FNIP2: variants seen among roughly 807,000 people sequenced by gnomAD.
FNIP2 encodes folliculin interacting protein 2.
Under a neutral mutation model 108.7 loss-of-function variants are expected in FNIP2, and 32 were observed. The observed-to-expected ratio is 0.29, with a 90% CI of 0.22 to 0.40. The LOEUF is 0.40. FNIP2 is among the 10% of genes least tolerant of loss of function. FNIP2 has a pLI of 1.00. For synonymous variants in FNIP2, 480 were observed against 496.7 expected, an observed-to-expected ratio of 0.97 and a Z score of 0.45; for missense variants, 1,202 against 1,381.6, an observed-to-expected ratio of 0.87 and a Z score of 2.06.
chr4:158,895,297 GA>G (rs1458490887), intron 15 of FNIP2, among the ~76,000 whole-genome samples: 2 of 151,766 alleles, frequency 1.3e-5, no homozygotes, highest in African/African-American at 2.4e-5. Context: ...GCTATTGGGG[GA>G]AAAAAACAAA....
chr4:158,830,304 G>T (rs375375837), intron 3 of FNIP2, among the ~76,000 whole-genome samples: 2 of 143,514 alleles, frequency 1.4e-5, no homozygotes, highest in African/African-American at 5.4e-5. Flanking sequence ...CGCCCAGGCC[G>T]GACTGCGGAC....
intron 13 of FNIP2, among the ~76,000 whole-genome samples, chr4:158,869,911 T>A (rs1472201039): frequency 6.6e-6 from 1 of 152,258 alleles, no homozygotes; most frequent in African/African-American, 2.4e-5. Flanking sequence ...TGGTCTGTAA[T>A]GACTGAAAGC....
chr4:158,778,433 T>G (rs1028481648), intron 1 of FNIP2, among the ~76,000 whole-genome samples: 4 of 152,226 alleles, frequency 2.6e-5, no homozygotes, highest in African/African-American at 9.6e-5. Flanking sequence ...TTCCTAAGTT[T>G]TGAATTGCAC....
intron 1 of FNIP2, among the ~76,000 whole-genome samples, chr4:158,786,668 T>TA (rs59880875): frequency 4.7e-4 from 71 of 152,136 alleles, no homozygotes; most frequent in Non-Finnish European, 7.4e-4. Flanking sequence ...TTTTTATTTT[T>TA]AAAAAAAACA....
chr4:158,888,430 A>G (rs1307365804), intron 14 of FNIP2, among the ~76,000 whole-genome samples: 3 of 152,224 alleles, frequency 2.0e-5, no homozygotes, highest in Non-Finnish European at 1.5e-5. Context: ...TTCAGCAAGT[A>G]ACATTTTTCA....
In FNIP2 at chr4:158,792,122, C is replaced by T. The variant is rs185465076; in HGVS notation, c.107+22803C>T. The stretch of plus-strand genomic sequence containing the variant: ...CTGTCTCAATACACACACACACACA[C>T]ATCAGGTGCTAAGTACAGTCCTCAT... On this transcript the variant is annotated intron_variant, in intron 1 of 16. Coordinates refer to ENST00000264433, the MANE Select transcript of FNIP2 (RefSeq NM_020840.3). Among the ~76,000 whole-genome samples the T allele has an allele frequency of 2.3e-3, 353 of 152,212 alleles. 4 individuals are homozygous for T. The highest frequency in any genetic ancestry group is 1.9e-3 in the East Asian group (10 of 5,182).
chr4:158,841,478 G>T (rs78911303), intron 7 of FNIP2, among the ~76,000 whole-genome samples: 1 of 152,188 alleles, frequency 6.6e-6, no homozygotes, highest in Non-Finnish European at 1.5e-5. Context: ...CCGTTTGTAC[G>T]TGAACCCTTC....
intron 1 of FNIP2, among the ~76,000 whole-genome samples, chr4:158,805,132 G>A (rs35367187): frequency 0.29 from 44,189 of 152,066 alleles, 7,158 homozygotes; most frequent in Non-Finnish European, 0.38. Flanking sequence ...AATTACTTTT[G>A]CACCAACCTA....
At chr4:158,788,366 A>G (rs1190962074) in intron 1 of FNIP2, among the ~76,000 whole-genome samples, 1 of 152,246 alleles carries the variant, frequency 6.6e-6, no homozygotes, top group Admixed American at 6.5e-5. Flanking sequence ...TTCACTTTGC[A>G]ATATAAGCAC....
At chr4:158,789,388 A>C (rs189153565) in intron 1 of FNIP2, among the ~76,000 whole-genome samples, 13 of 152,282 alleles carry the variant, frequency 8.5e-5, no homozygotes, top group Admixed American at 8.5e-4. Flanking sequence ...TACCTAAGAT[A>C]CTATGTTATG....
At chr4:158,806,671 T>C (rs1776980726) in intron 1 of FNIP2, among the ~76,000 whole-genome samples, 1 of 152,228 alleles carries the variant, frequency 6.6e-6, no homozygotes, top group African/African-American at 2.4e-5. Context: ...TCATTACCTC[T>C]ACTGGAGCCA....
intron 1 of FNIP2, among the ~76,000 whole-genome samples, chr4:158,771,820 T>G (rs1004641066): frequency 6.6e-6 from 1 of 152,238 alleles, no homozygotes; most frequent in Admixed American, 6.5e-5. Context: ...CTGGTTATTT[T>G]AAACTTCTCT....
chr4:158,853,440 A>G lies in FNIP2; in HGVS notation c.857+1990A>G, dbSNP rs1452202992. ...TGTGCACAACGTGCAGGTTTGTTAC[A>G]TATGTATACATGTGCCATGTTGGTG... On this transcript the variant is annotated intron_variant, in intron 8 of 16. Coordinates refer to ENST00000264433, the MANE Select transcript of FNIP2 (RefSeq NM_020840.3). 2.0e-5 allele frequency among the ~76,000 whole-genome samples: 3 copies of G among 152,288 alleles called. No individual in the cohort carries two copies. The East Asian group carries it at 5.8e-4, about 29-fold the overall frequency.
intron 14 of FNIP2, among the ~76,000 whole-genome samples, chr4:158,874,234 G>T (rs1173070956): frequency 2.6e-5 from 4 of 152,172 alleles, no homozygotes; most frequent in Non-Finnish European, 5.9e-5. Context: ...TTGAATCATG[G>T]TTCACCCCTT....
chr4:158,795,685 G>A (rs1776563340), intron 1 of FNIP2, among the ~76,000 whole-genome samples: 1 of 152,210 alleles, frequency 6.6e-6, no homozygotes, highest in African/African-American at 2.4e-5. Context: ...CAGCGGGCAA[G>A]GGAGCGAAGC....
chr4:158,794,165 TTTTG>T (rs1014077318), intron 1 of FNIP2, among the ~76,000 whole-genome samples: 2 of 152,130 alleles, frequency 1.3e-5, no homozygotes, highest in African/African-American at 4.8e-5. Flanking sequence ...TTCACTTGTT[TTTTG>T]TTTGTTTGTG....
At chr4:158,781,627 G>A (rs1776050233) in intron 1 of FNIP2, among the ~76,000 whole-genome samples, 1 of 152,152 alleles carries the variant, frequency 6.6e-6, no homozygotes, top group Non-Finnish European at 1.5e-5. Context: ...TGATTCTCCT[G>A]CTTCAGCCTC....
intron 14 of FNIP2, chr4:158,872,350 C>T: frequency 2.0e-6 from 2 of 985,338 alleles, no homozygotes; most frequent in Non-Finnish European, 2.4e-6. Context: ...CTCTATAATT[C>T]TTTTATTTGA....
chr4:158,855,006 T>G (rs1779905703), intron 8 of FNIP2, among the ~76,000 whole-genome samples: 1 of 152,172 alleles, frequency 6.6e-6, no homozygotes, highest in Non-Finnish European at 1.5e-5. Flanking sequence ...GGCTCATGTT[T>G]TTTTGATTTA....
Sources: gnomAD v4.1 joint callset for allele counts (sites outside exome capture counted in the v4.1 genomes callset) on GRCh38, gnomAD v4.1.1 for gene constraint, MANE v1.5 for transcripts, NCBI Gene and HGNC (gene_info 2026-07-23, HGNC 2026-07-21) for gene names.